KMT2A: variants seen among roughly 807,000 people sequenced by gnomAD.
KMT2A encodes histone-lysine N-methyltransferase 2A.
In KMT2A, 16 loss-of-function variants were observed where a neutral mutation model predicts 345.3. That is an observed-to-expected ratio of 0.05 (90% CI 0.03 to 0.07). The LOEUF (loss-of-function observed/expected upper bound fraction) is 0.07. Ranked by LOEUF, KMT2A falls within the 10% of genes least tolerant of loss-of-function variation. The probability of loss-of-function intolerance (pLI) is 1.00; values close to 1 mark genes in which losing one functional copy is unlikely to be tolerated. For synonymous variants in KMT2A, 1,599 were observed against 1,778.6 expected (o/e 0.90, Z 2.54); for missense variants, 3,272 against 4,841.6 (o/e 0.68, Z 9.62).
At chr11:118,481,665 T>C (rs782738245) in intron 6 of KMT2A, 50 bp from the exon 7 acceptor site, 30 of 1,534,940 alleles carry the variant, frequency 2.0e-5, no homozygotes, top group Middle Eastern at 1.8e-4. Flanking sequence ...CTATTTTAAA[T>C]AAAATTATTC....
chr11:118,477,196 G>A (rs1356992706), intron 4 of KMT2A, among the ~76,000 whole-genome samples: 11 of 152,176 alleles, frequency 7.2e-5, no homozygotes. Flanking sequence ...GTCAGACTGT[G>A]TTGCCCATCT....
chr11:118,497,860 T>C lies in KMT2A; in HGVS notation c.5665-76T>C. ...GTTGCTTTCTTGAGGTTATCTTCACTGGAAAAGCTAATGCCGAGGAAAACC... is the reference window on the plus strand; with the variant it reads ...GTTGCTTTCTTGAGGTTATCTTCACCGGAAAAGCTAATGCCGAGGAAAACC... On this transcript the variant is annotated intron_variant, in intron 20 of 35. Coordinates refer to ENST00000534358, the MANE Select transcript of KMT2A (RefSeq NM_001197104.2). This position sits in a 1 kb window ranked among gnomAD's most constrained non-coding sequence, Gnocchi z 4.8. 8.6e-7 allele frequency: 1 copy of C among 1,160,086 alleles called. No individual in the cohort carries two copies. The highest frequency in any genetic ancestry group is 1.3e-6 in the Non-Finnish European group (1 of 793,286). The allele number at this position is 1,160,086 out of a possible 1,614,324, so 71.9% of individuals were successfully genotyped here.
Position 118,495,740 on chromosome 11 carries a change from G to T in KMT2A, c.5404G>T (p.Asp1802Tyr). The change falls in exon 19 of 36, where the codon GAC becomes TAC. Residue 1802 changes from aspartate to tyrosine, a missense_variant. Asp to Tyr is a radical substitution (Grantham distance 160). This residue lies in a region of KMT2A where 235 missense variants were observed against 503.4 expected (regional missense o/e 0.47). Transcript: ENST00000534358. The surrounding 1 kb of genome is among the most constrained non-coding windows in gnomAD (Gnocchi z 4.1). The stretch of plus-strand genomic sequence containing the variant: ...AAACGCAGTGCTTCCACCTTCACTT[G>T]ACCATAATTATGCTCAGTGGCAGGA... ...LPNAVLPPSL[D>Y]HNYAQWQERE... The T allele has an allele frequency of 6.2e-7, 1 of 1,613,424 alleles. No individual in the cohort carries two copies. The highest frequency in any genetic ancestry group is 1.1e-5 in the South Asian group (1 of 90,938).
chr11:118,499,488 A>T, intron 23 of KMT2A, 68 bp downstream of exon 23: 1 of 1,036,990 alleles, frequency 9.6e-7, no homozygotes, highest in Non-Finnish European at 1.5e-6. Context: ...GTCCTCAGTT[A>T]TAAAATGACC....
intron 1 of KMT2A, among the ~76,000 whole-genome samples, chr11:118,457,657 T>C (rs1206861555): frequency 6.6e-6 from 1 of 151,874 alleles, no homozygotes; most frequent in Non-Finnish European, 1.5e-5. Context: ...TTTCACTCCA[T>C]GCCACATTCT....
chr11:118,511,767 CT>C, intron 30 of KMT2A, 183 bp from the exon 31 acceptor site: 2 of 634,056 alleles, frequency 3.2e-6, no homozygotes, highest in Non-Finnish European at 2.8e-6. Flanking sequence ...GGGAGTGTAC[CT>C]TTTCGGCTCC....
rs1317712293 is a variant in KMT2A, at chr11:118,505,847, A to G, written c.9955A>G (p.Thr3319Ala). Reference sequence around the variant, plus strand: ...AGGAACTGCTGCCACAGCGGCAGGCACATCAACAATAAGCCAGGATACTAG... The same window carrying G: ...AGGAACTGCTGCCACAGCGGCAGGCGCATCAACAATAAGCCAGGATACTAG... ...VGGTAATAAG[T>A]STISQDTSHL... Residue 3319 changes from threonine (T) to alanine (A), a missense_variant, in exon 27 of 36, where the codon ACA (threonine) becomes GCA (alanine). Around this residue, in one of 27 missense-constraint regions of KMT2A, gnomAD observed 748 missense variants for 922.2 expected, o/e 0.81. Coordinates refer to ENST00000534358, the MANE Select transcript of KMT2A (RefSeq NM_001197104.2). This position sits in a 1 kb window ranked among gnomAD's most constrained non-coding sequence, Gnocchi z 4.6. The G allele has an allele frequency of 1.1e-5, 17 of 1,614,076 alleles. No homozygotes were observed. In the African/African-American group the frequency reaches 2.0e-4, roughly 19 times the overall value.
At chr11:118,513,334 A>G (rs1950730228) in intron 31 of KMT2A, among the ~76,000 whole-genome samples, 1 of 151,076 alleles carries the variant, frequency 6.6e-6, no homozygotes. Context: ...TACCTCTCCT[A>G]CCTCCTTTCA....
Position 118,498,547 on chromosome 11 carries a change from CT to C in KMT2A, c.5961+22del. On this transcript the variant is annotated intron_variant, in intron 22 of 35. Transcript: ENST00000534358. This position sits in a 1 kb window ranked among gnomAD's most constrained non-coding sequence, Gnocchi z 4.4. ...AGGCGAAGTGAGAGAGCTTTAGTTG[CT>C]TTAAAAAAAAAAAAAAAGACTTTTT... 13 of 1,499,680 alleles carry C rather than the reference CT, an allele frequency of 8.7e-6. No individual in the cohort carries two copies. The highest frequency in any genetic ancestry group is 1.8e-4 in the Middle Eastern group (1 of 5,488). 92.9% of individuals were successfully genotyped at this position (1,499,680 alleles called of 1,614,324 possible).
Position 118,491,045 on chromosome 11 carries a change from A to G in KMT2A, c.4697-151A>G. 1.6e-6 allele frequency: 1 copy of G among 618,904 alleles called. No homozygotes were observed. The highest frequency in any genetic ancestry group is 2.6e-6 in the Non-Finnish European group (1 of 385,368). The allele number at this position is 618,904 out of a possible 1,614,324, so 38.3% of individuals were successfully genotyped here. A position where few individuals can be genotyped will look rare whatever the true frequency, so the allele number is the denominator to read the frequency against. On this transcript the variant is annotated intron_variant, in intron 13 of 35. Transcript: ENST00000534358. This position sits in a 1 kb window ranked among gnomAD's most constrained non-coding sequence, Gnocchi z 4.2. ...GGGCTCAGAATAATCTTGAGACTGC[A>G]GATGTGTGAACATTCCACAGTAGAT...
At chr11:118,453,692 T>C (rs1300085213) in intron 1 of KMT2A, among the ~76,000 whole-genome samples, 3 of 152,228 alleles carry the variant, frequency 2.0e-5, no homozygotes, top group African/African-American at 7.2e-5. Flanking sequence ...TAATATTTAC[T>C]GAGTGTTTAT....
intron 31 of KMT2A, among the ~76,000 whole-genome samples, chr11:118,514,638 A>G (rs531620249): frequency 1.4e-5 from 2 of 145,884 alleles, no homozygotes; most frequent in East Asian, 4.0e-4. Flanking sequence ...TTTTATTTTT[A>G]TTTTTATTTT....
Position 118,474,069 on chromosome 11 carries a change from A to G in KMT2A, c.2910A>G (p.Glu970=). Residue 970 remains glutamate (E), a synonymous_variant, in exon 3 of 36, where the codon GAA becomes GAG. Coordinates refer to ENST00000534358, the MANE Select transcript of KMT2A (RefSeq NM_001197104.2). ...ILIKKGRGNL[E]KTNLDLGPTA... is the part of the protein sequence containing the mutation. ...TAAAGAAAGGGAGAGGAAATCTGGA[A>G]AAAACCAACTTGGACCTCGGCCCAA... 6.2e-7 allele frequency: 1 copy of G among 1,613,830 alleles called. No individual in the cohort carries two copies. The highest frequency in any genetic ancestry group is 8.5e-7 in the Non-Finnish European group (1 of 1,179,928).
chr11:118,476,977 A>G lies in KMT2A; in HGVS notation c.3329A>G (p.Asn1110Ser), dbSNP rs782374753. Residue 1110 changes from asparagine (N) to serine (S), a missense_variant, in exon 4 of 36, where the codon AAT (asparagine) becomes AGT (serine). Physicochemically the swap from Asn to Ser is conservative, Grantham distance 46. Around this residue, in one of 27 missense-constraint regions of KMT2A, gnomAD observed 33 missense variants for 46.5 expected, o/e 0.71. Transcript: ENST00000534358. This position sits in a 1 kb window ranked among gnomAD's most constrained non-coding sequence, Gnocchi z 4.1. ...GAAAAGATTTTGTCTTCCATGGGGA[A>G]TGATGGTAGGTCAAGAAGGTCAATC... Reference protein sequence around the residue: ...EREKILSSMGNDDKSSIAGSE... With the variant: ...EREKILSSMGSDDKSSIAGSE... The G allele has an allele frequency of 6.2e-7, 1 of 1,614,118 alleles. No homozygotes were observed. Among genetic ancestry groups the G allele is most frequent in the South Asian group, 1.1e-5 (1 of 91,088 alleles).
chr11:118,468,732 A>G, intron 1 of KMT2A, 43 bp from the exon 2 acceptor site: 1 of 1,504,434 alleles, frequency 6.6e-7, no homozygotes, highest in South Asian at 1.1e-5. Flanking sequence ...GTTTGTATGC[A>G]CGTTTTTGCT....
rs1555036596 is a variant in KMT2A, at chr11:118,473,659, C to A, written c.2500C>A (p.Pro834Thr). 2 of 1,614,102 alleles carry A rather than the reference C, an allele frequency of 1.2e-6. No homozygotes were observed. Among genetic ancestry groups the A allele is most frequent in the Non-Finnish European group, 8.5e-7 (1 of 1,180,020 alleles). Residue 834 changes from proline (P) to threonine (T), a missense_variant, in exon 3 of 36, where the codon CCT becomes ACT. Pro to Thr is a conservative substitution (Grantham distance 38). Around this residue, in one of 27 missense-constraint regions of KMT2A, gnomAD observed 209 missense variants for 237.4 expected, o/e 0.88. Coordinates refer to ENST00000534358, the MANE Select transcript of KMT2A (RefSeq NM_001197104.2). This position sits in a 1 kb window ranked among gnomAD's most constrained non-coding sequence, Gnocchi z 5.2. Reference sequence around the variant, plus strand: ...GCCATTTTCATCAAGTAGTCCTACTCCTCTCTTCCCTTGGTTTACCCCAGG... The same window carrying A: ...GCCATTTTCATCAAGTAGTCCTACTACTCTCTTCCCTTGGTTTACCCCAGG... ...AEPFSSSSPT[P>T]LFPWFTPGSQ...
chr11:118,438,137 G>A (rs1168567193), intron 1 of KMT2A, among the ~76,000 whole-genome samples: 3 of 152,156 alleles, frequency 2.0e-5, no homozygotes, highest in Non-Finnish European at 4.4e-5. Flanking sequence ...TTATACTTTA[G>A]TGTGGTGGCG....
chr11:118,469,816 A>G (rs1223116787), intron 2 of KMT2A, among the ~76,000 whole-genome samples: 5 of 152,216 alleles, frequency 3.3e-5, no homozygotes, highest in Non-Finnish European at 7.3e-5. Context: ...ATCATATATT[A>G]TCATCTAATT....
intron 1 of KMT2A, among the ~76,000 whole-genome samples, chr11:118,438,087 G>C (rs1324586088): frequency 6.6e-6 from 1 of 152,142 alleles, no homozygotes; most frequent in East Asian, 1.9e-4. Context: ...GAAGGGGTGG[G>C]GGAAGCCAGG....
Sources: allele counts gnomAD v4.1 joint callset (sites outside exome capture counted in the v4.1 genomes callset), GRCh38; gene constraint gnomAD v4.1.1; regional missense constraint gnomAD v4.1.1; non-coding constraint Gnocchi (gnomAD v3.1); transcripts MANE v1.5; gene names NCBI Gene and HGNC (gene_info 2026-07-23, HGNC 2026-07-21).